The following CPNE5 variants were observed in gnomAD, a reference collection of about 807,000 sequenced individuals.
CPNE5 encodes the protein copine 5, also known as copine-5.
A neutral mutation model predicts 81.1 loss-of-function variants in CPNE5; 42 were observed. The ratio of observed to expected loss-of-function variants is 0.52; its 90% CI spans 0.40 to 0.67. The LOEUF (loss-of-function observed/expected upper bound fraction) is 0.67. Ranked by LOEUF, CPNE5 falls within the 30% of genes least tolerant of loss-of-function variation. The pLI is 0.00. For synonymous variants in CPNE5, 313 were observed against 321.5 expected (o/e 0.97, Z 0.28); for missense variants, 612 against 815.5 (o/e 0.75, Z 3.04).
chr6:36,835,731 GGTT>G (rs1773437369), intron 1 of CPNE5, among the ~76,000 whole-genome samples: 5 of 151,962 alleles, frequency 3.3e-5, no homozygotes, highest in Admixed American at 2.0e-4. Context: ...AGAAAGCGGA[GGTT>G]GCAGTGAGCT....
chr6:36,776,078 C>T (rs1260893218), intron 9 of CPNE5, among the ~76,000 whole-genome samples: 3 of 152,170 alleles, frequency 2.0e-5, no homozygotes, highest in Non-Finnish European at 4.4e-5. Context: ...CAGATGGGCC[C>T]GAATCTGGTG....
chr6:36,798,012 G>A (rs940778789), intron 6 of CPNE5, among the ~76,000 whole-genome samples, 153 bp downstream of exon 6: 1 of 152,140 alleles, frequency 6.6e-6, no homozygotes, highest in Non-Finnish European at 1.5e-5. Context: ...TAGAAGCCCT[G>A]TGAGAGCAGT....
chr6:36,759,776 C>T (rs926270293), intron 12 of CPNE5, among the ~76,000 whole-genome samples: 14 of 152,008 alleles, frequency 9.2e-5, no homozygotes, highest in Admixed American at 2.6e-4. Flanking sequence ...CCATATGAAT[C>T]GAGCCCTGGA....
intron 13 of CPNE5, chr6:36,754,635 A>T (rs1348194771): frequency 6.6e-6 from 1 of 152,262 alleles, no homozygotes; most frequent in Admixed American, 6.5e-5. Context: ...GAGTAAAAGG[A>T]AAGTCAAGAG....
At chr6:36,827,761 ACGAAGGGCC>A (rs1772628796) in intron 1 of CPNE5, 1 of 985,304 alleles carries the variant, frequency 1.0e-6, no homozygotes. Flanking sequence ...TTCCGCCCTG[ACGAAGGGCC>A]CGAGACACCA....
Position 36,839,197 on chromosome 6 carries a change from G to A in CPNE5, c.95+86C>T, listed in dbSNP as rs955657573. The A allele has an allele frequency of 5.2e-6, 5 of 962,630 alleles. No individual in the cohort carries two copies. Among genetic ancestry groups the A allele is most frequent in the Non-Finnish European group, 7.6e-6 (5 of 660,752 alleles). 59.6% of individuals were successfully genotyped at this position (962,630 alleles called of 1,614,324 possible). On this transcript the variant is annotated intron_variant, in intron 1 of 20. Transcript: ENST00000244751. This position sits in a 1 kb window ranked among gnomAD's most constrained non-coding sequence, Gnocchi z 7.3. ...CCAGGACACTCTGGGAAGGGGGCGCGCGGAGGTTTAGGATCGAAGCGGCAG... is the reference window on the plus strand; with the variant it reads ...CCAGGACACTCTGGGAAGGGGGCGCACGGAGGTTTAGGATCGAAGCGGCAG...
At chr6:36,833,269 G>C (rs1450107636) in intron 1 of CPNE5, among the ~76,000 whole-genome samples, 2 of 152,202 alleles carry the variant, frequency 1.3e-5, no homozygotes, top group East Asian at 3.8e-4. Context: ...AGCAAAAAGA[G>C]AAAATACTAC....
chr6:36,768,512 G>A (rs1287705199), intron 10 of CPNE5, among the ~76,000 whole-genome samples: 2 of 152,128 alleles, frequency 1.3e-5, no homozygotes, highest in African/African-American at 2.4e-5. Context: ...GATTACAGGC[G>A]TGAACCAGCG....
chr6:36,758,898 C>T (rs1002029858), intron 12 of CPNE5, among the ~76,000 whole-genome samples: 5 of 152,176 alleles, frequency 3.3e-5, no homozygotes, highest in African/African-American at 4.8e-5. Context: ...CACTGGAGGA[C>T]GCCCCCTCCA....
intron 18 of CPNE5, 126 bp from the exon 19 acceptor site, chr6:36,744,451 G>T: frequency 1.4e-6 from 1 of 736,298 alleles, no homozygotes; most frequent in Non-Finnish European, 2.4e-6. Flanking sequence ...AACATGGAGA[G>T]ACAGAGAAAC....
intron 1 of CPNE5, among the ~76,000 whole-genome samples, chr6:36,827,926 T>C (rs1011553502): frequency 6.6e-6 from 1 of 152,108 alleles, no homozygotes; most frequent in East Asian, 1.9e-4. Context: ...CACAGCAGCC[T>C]GGAGCTTGGC....
intron 20 of CPNE5, chr6:36,743,198 G>T (rs151140296): frequency 2.0e-6 from 2 of 985,300 alleles, no homozygotes; most frequent in East Asian, 2.3e-4. Flanking sequence ...AAGTGCTTGC[G>T]GAGGGTGCAT....
intron 12 of CPNE5, among the ~76,000 whole-genome samples, chr6:36,760,867 C>T (rs1765957600): frequency 6.6e-6 from 1 of 152,172 alleles, no homozygotes; most frequent in Non-Finnish European, 1.5e-5. Flanking sequence ...CCTTTTCAGG[C>T]AGTTCTGATT....
intron 8 of CPNE5, among the ~76,000 whole-genome samples, chr6:36,781,621 GC>G (rs201526655): frequency 3.9e-5 from 6 of 151,984 alleles, no homozygotes; most frequent in African/African-American, 1.2e-4. Context: ...CACTTTAAAT[GC>G]CCCCCTAGGG....
Position 36,761,209 on chromosome 6 carries a change from G to A in CPNE5, c.855+1708C>T, listed in dbSNP as rs111907164. ...TGGTGGCATCTGCTTCTCTCTGACT[G>A]GGGTGGGGCGGGGGAGCGGGGACAA... On this transcript the variant is annotated intron_variant, in intron 12 of 20. Transcript: ENST00000244751. 5.0e-3 allele frequency among the ~76,000 whole-genome samples: 759 copies of A among 152,348 alleles called. 3 individuals carry two copies. Among genetic ancestry groups the A allele is most frequent in the Non-Finnish European group, 8.1e-3 (554 of 68,034 alleles).
intron 8 of CPNE5, among the ~76,000 whole-genome samples, chr6:36,781,691 G>A (rs570488822): frequency 6.6e-6 from 1 of 152,316 alleles, no homozygotes; most frequent in South Asian, 2.1e-4. Flanking sequence ...CTACTCGCTG[G>A]CTGTATAAAT....
chr6:36,769,210 C>T (rs1238716501), intron 10 of CPNE5, among the ~76,000 whole-genome samples: 2 of 152,148 alleles, frequency 1.3e-5, no homozygotes, highest in Non-Finnish European at 2.9e-5. Flanking sequence ...CTCCTAGCAA[C>T]GTGATGAAAT....
In CPNE5 at chr6:36,760,779, G is replaced by C. The variant is rs116478812; in HGVS notation, c.855+2138C>G. On this transcript the variant is annotated intron_variant, in intron 12 of 20. Transcript: ENST00000244751. ...GGCTGAGCTACAGGAAGGGCCAGCA[G>C]ACAGCTGGACATAGGAGCCTGACAC... is the stretch of plus-strand genomic sequence containing the variant. Among the ~76,000 whole-genome samples the C allele has an allele frequency of 6.4e-3, 973 of 152,306 alleles. 11 individuals carry two copies. The highest frequency in any genetic ancestry group is 0.023 in the African/African-American group (949 of 41,552).
At chr6:36,792,442 C>T in intron 7 of CPNE5, 1 of 1,350,742 alleles carries the variant, frequency 7.4e-7, no homozygotes, top group Non-Finnish European at 9.7e-7. Context: ...ATCCAAAGAC[C>T]ACTTCTGTGG....
Sources: gnomAD v4.1 joint callset for allele counts (sites outside exome capture counted in the v4.1 genomes callset) on GRCh38, gnomAD v4.1.1 for gene constraint, Gnocchi (gnomAD v3.1) non-coding constraint, MANE v1.5 for transcripts, NCBI Gene and HGNC (gene_info 2026-07-23, HGNC 2026-07-21) for gene names.